The following ABCD3 variants were observed in gnomAD, a reference collection of about 807,000 sequenced individuals.
The protein encoded by ABCD3 is ATP binding cassette subfamily D member 3.
In ABCD3, 41 loss-of-function variants were observed where a neutral mutation model predicts 105.5. The ratio of observed to expected loss-of-function variants is 0.39; its 90% CI spans 0.30 to 0.50. The LOEUF (loss-of-function observed/expected upper bound fraction) is 0.50. Ranked by LOEUF, ABCD3 falls within the 20% of genes least tolerant of loss-of-function variation. ABCD3 has a pLI of 0.84. For synonymous variants in ABCD3, 258 were observed against 269.0 expected, an observed-to-expected ratio of 0.96 and a Z score of 0.40; for missense variants, 622 against 806.3, an observed-to-expected ratio of 0.77 and a Z score of 2.77.
rs527598206 is a variant in ABCD3, at chr1:94,469,767, G to A, written c.335+1760G>A. Among the ~76,000 whole-genome samples the A allele has an allele frequency of 9.5e-5, 14 of 147,218 alleles. No individual in the cohort carries two copies. In the South Asian group the frequency reaches 2.7e-3, roughly 28 times the overall value. On this transcript the variant is annotated intron_variant, in intron 4 of 22. Transcript: ENST00000370214. ...TGCAACCTCTGCCTCCTGGGTTCACGCCATTCTCCTGCCTCAGCCTCCTGA... is the reference window on the plus strand; with the variant it reads ...TGCAACCTCTGCCTCCTGGGTTCACACCATTCTCCTGCCTCAGCCTCCTGA...
chr1:94,498,535 A>G, intron 16 of ABCD3, 67 bp from the exon 17 acceptor site: 1 of 1,507,124 alleles, frequency 6.6e-7, no homozygotes, highest in African/African-American at 1.4e-5. Context: ...AGTCTAAGGA[A>G]ATGTTGATTA....
chr1:94,395,064 T>G, the ABCD3 span, among the ~76,000 whole-genome samples: 2 of 152,214 alleles, frequency 1.3e-5, no homozygotes, highest in Admixed American at 1.3e-4. Context: ...ATGCAATCTT[T>G]GTGCTTACTG....
chr1:94,405,900 T>C, the ABCD3 span, among the ~76,000 whole-genome samples: 1 of 152,098 alleles, frequency 6.6e-6, no homozygotes, highest in African/African-American at 2.4e-5. Flanking sequence ...ACTTTGCTTA[T>C]GGTTTTTGGC....
chr1:94,391,874 G>A, the ABCD3 span, among the ~76,000 whole-genome samples: 1 of 152,202 alleles, frequency 6.6e-6, no homozygotes, highest in Non-Finnish European at 1.5e-5. Flanking sequence ...CTATGCAAAT[G>A]AAGACTTGGC....
chr1:94,447,166 C>G (rs963062087), intron 1 of ABCD3, among the ~76,000 whole-genome samples: 6 of 151,922 alleles, frequency 3.9e-5, no homozygotes, highest in Non-Finnish European at 8.8e-5. Flanking sequence ...AGAACAATGG[C>G]CACTAAGTAA....
Position 94,496,769 on chromosome 1 carries a change from A to AT in ABCD3, c.1387-1817dup, listed in dbSNP as rs34336196. On this transcript the variant is annotated intron_variant, in intron 16 of 22. Coordinates refer to ENST00000370214, the MANE Select transcript of ABCD3 (RefSeq NM_002858.4). Reference sequence around the variant, plus strand: ...TGCTTCAGTGCCTTTGTACCAGCAAATTTTTTTTTTTTTTTTGAGACGGAG... The same window carrying AT: ...TGCTTCAGTGCCTTTGTACCAGCAAATTTTTTTTTTTTTTTTTGAGACGGAG... 6.0e-4 allele frequency among the ~76,000 whole-genome samples: 66 copies of AT among 109,232 alleles called. 1 individual carries two copies. The highest frequency in any genetic ancestry group is 1.7e-3 in the South Asian group (5 of 3,010). 71.7% of individuals were successfully genotyped at this position (109,232 alleles called of 152,430 possible).
the ABCD3 span, among the ~76,000 whole-genome samples, chr1:94,393,656 AAAAG>A: frequency 2.6e-5 from 4 of 152,046 alleles, no homozygotes; most frequent in Non-Finnish European, 4.4e-5. Context: ...GAAAGAAAAG[AAAAG>A]AAAGAAAGAA....
the ABCD3 span, among the ~76,000 whole-genome samples, chr1:94,398,685 G>A: frequency 3.3e-5 from 5 of 152,172 alleles, no homozygotes; most frequent in East Asian, 5.8e-4. Flanking sequence ...AGGCCAAGGC[G>A]GGCAAATCAT....
At chr1:94,453,252 G>A (rs1279896692) in intron 1 of ABCD3, among the ~76,000 whole-genome samples, 2 of 152,050 alleles carry the variant, frequency 1.3e-5, no homozygotes, top group Non-Finnish European at 2.9e-5. Flanking sequence ...GCAGCTCTCA[G>A]ACAACTTTAT....
chr1:94,511,721 T>C (rs1475084001), intron 21 of ABCD3, among the ~76,000 whole-genome samples: 7 of 152,074 alleles, frequency 4.6e-5, no homozygotes, highest in Non-Finnish European at 7.4e-5. Flanking sequence ...AAACTTCCCT[T>C]CTCGCTTCAT....
intron 4 of ABCD3, 125 bp from the exon 5 acceptor site, chr1:94,473,641 C>A: frequency 1.2e-6 from 1 of 810,622 alleles, no homozygotes; most frequent in Non-Finnish European, 2.0e-6. Flanking sequence ...TTTTTAGCAT[C>A]TTTTTTATTG....
intron 1 of ABCD3, among the ~76,000 whole-genome samples, chr1:94,446,563 G>A (rs1272351342): frequency 6.6e-6 from 1 of 152,330 alleles, no homozygotes; most frequent in East Asian, 1.9e-4. Flanking sequence ...ATGGGGAAAA[G>A]TGAAATTAAA....
intron 3 of ABCD3, among the ~76,000 whole-genome samples, chr1:94,466,080 A>G (rs479627): frequency 0.96 from 145,666 of 152,248 alleles, 70,082 homozygotes; most frequent in East Asian, 1. Flanking sequence ...AAAAGTAATG[A>G]CACTTGTTTT....
chr1:94,478,689 AAAT>A, intron 8 of ABCD3: 1 of 949,922 alleles, frequency 1.1e-6, no homozygotes, highest in Non-Finnish European at 1.5e-6. Context: ...CTTCTTTAAA[AAAT>A]AATAATAAAA....
At chr1:94,487,480 T>C (rs1570807341) in intron 10 of ABCD3, 62 bp from the exon 11 acceptor site, 1 of 1,417,172 alleles carries the variant, frequency 7.1e-7, no homozygotes, top group East Asian at 2.3e-5. Context: ...GTTTTATCCT[T>C]ATAGTAGATT....
chr1:94,438,591 A>G (rs1660011002), intron 1 of ABCD3, among the ~76,000 whole-genome samples: 1 of 152,144 alleles, frequency 6.6e-6, no homozygotes, highest in Non-Finnish European at 1.5e-5. Context: ...TTGTGAAAGG[A>G]AGAGTTAATC....
intron 1 of ABCD3, among the ~76,000 whole-genome samples, chr1:94,450,056 C>T (rs1219481475): frequency 6.6e-6 from 1 of 152,236 alleles, no homozygotes; most frequent in Non-Finnish European, 1.5e-5. Flanking sequence ...GCAACCCAGG[C>T]ACACCTGACC....
At chr1:94,508,659 T>G (rs946720558) in intron 21 of ABCD3, among the ~76,000 whole-genome samples, 5 of 150,026 alleles carry the variant, frequency 3.3e-5, no homozygotes, top group African/African-American at 1.2e-4. Context: ...GTATCCTCTT[T>G]TATTTCCTTG....
chr1:94,452,191 ACCATTCTGGGC>A (rs1647291683), intron 1 of ABCD3, among the ~76,000 whole-genome samples: 2 of 152,232 alleles, frequency 1.3e-5, no homozygotes, highest in Admixed American at 6.5e-5. Flanking sequence ...GTAAACAAGG[ACCATTCTGGGC>A]AAACTTAATT....
Sources: allele counts gnomAD v4.1 joint callset (sites outside exome capture counted in the v4.1 genomes callset), GRCh38; gene constraint gnomAD v4.1.1; transcripts MANE v1.5; gene names NCBI Gene and HGNC (gene_info 2026-07-23, HGNC 2026-07-21).